The following TAFA5 variants were observed in gnomAD, a reference collection of about 807,000 sequenced individuals.
The protein encoded by TAFA5 is TAFA chemokine like family member 5, also known as chemokine-like protein TAFA-5.
A neutral mutation model predicts 15.3 loss-of-function variants in TAFA5; 6 were observed. That is an observed-to-expected ratio of 0.39 (90% CI 0.21 to 0.77). The LOEUF is 0.77. TAFA5 is among the 30% of genes least tolerant of loss of function. The probability of loss-of-function intolerance (pLI) is 0.41; values close to 1 mark genes in which losing one functional copy is unlikely to be tolerated. For missense variants in TAFA5, 161 were observed against 193.1 expected, an observed-to-expected ratio of 0.83 and a Z score of 0.98; for synonymous variants, 103 against 80.7, an observed-to-expected ratio of 1.28 and a Z score of -1.48.
chr22:48,680,877 C>T (rs1928161708), intron 2 of TAFA5, among the ~76,000 whole-genome samples: 1 of 152,220 alleles, frequency 6.6e-6, no homozygotes, highest in Admixed American at 6.5e-5. Flanking sequence ...TGTGTCGGCT[C>T]TCATCTTAGG....
chr22:48,568,341 A>G (rs1298991073), intron 1 of TAFA5, among the ~76,000 whole-genome samples: 1 of 152,182 alleles, frequency 6.6e-6, no homozygotes, highest in Non-Finnish European at 1.5e-5. Context: ...CTCCAGAGAG[A>G]GGATGTGCAA....
intron 1 of TAFA5, among the ~76,000 whole-genome samples, chr22:48,610,891 C>A (rs911424314): frequency 6.6e-6 from 1 of 152,006 alleles, no homozygotes; most frequent in African/African-American, 2.4e-5. Context: ...GACTTGTGTC[C>A]CTCCCACTCC....
chr22:48,556,933 C>T (rs1048860963), intron 1 of TAFA5, among the ~76,000 whole-genome samples: 2 of 152,196 alleles, frequency 1.3e-5, no homozygotes, highest in African/African-American at 4.8e-5. Context: ...GGCACAGACC[C>T]GCCTGCTTGG....
In TAFA5 at chr22:48,690,804, C is replaced by G. The variant is rs987254992; in HGVS notation, c.263-16913C>G. Among the ~76,000 whole-genome samples the G allele has an allele frequency of 1.2e-4, 18 of 152,202 alleles. 1 individual carries two copies. The highest frequency in any genetic ancestry group is 2.9e-5 in the Non-Finnish European group (2 of 68,038). ...GTGGCCTTGGCCTCTGCCCAGGAGG[C>G]TGTGGGCTGACCTATGTCAGCCCAG... On this transcript the variant is annotated intron_variant, in intron 2 of 3. Coordinates refer to ENST00000402357, the MANE Select transcript of TAFA5 (RefSeq NM_001082967.3).
At chr22:48,555,744 C>G (rs1238358694) in intron 1 of TAFA5, among the ~76,000 whole-genome samples, 1 of 152,114 alleles carries the variant, frequency 6.6e-6, no homozygotes, top group Non-Finnish European at 1.5e-5. Context: ...GACAGGAGCC[C>G]AGGAAGCTGG....
rs377070588 is a variant in TAFA5, at chr22:48,550,923, C to T, written c.112+61219C>T. On this transcript the variant is annotated intron_variant, in intron 1 of 3. Coordinates refer to ENST00000402357, the MANE Select transcript of TAFA5 (RefSeq NM_001082967.3). The surrounding 1 kb of genome is among the most constrained non-coding windows in gnomAD (Gnocchi z 4.1). ...ACATTCCTAGTCCTGCTTGGGGCAT[C>T]GTAAGATGGGCTGCTGTGGTGTCCC... is the stretch of plus-strand genomic sequence containing the variant. Among the ~76,000 whole-genome samples the T allele has an allele frequency of 1.6e-4, 25 of 152,020 alleles. 1 individual carries two copies. The highest frequency in any genetic ancestry group is 5.5e-4 in the African/African-American group (23 of 41,482).
intron 2 of TAFA5, among the ~76,000 whole-genome samples, chr22:48,673,901 C>G (rs1281040064): frequency 6.6e-6 from 1 of 152,106 alleles, no homozygotes; most frequent in Admixed American, 6.5e-5. Context: ...GGGTATAGCT[C>G]TGTAGATACT....
In TAFA5 at chr22:48,618,605, G is replaced by C. The variant is rs142059800; in HGVS notation, c.113-27992G>C. 2.2e-3 allele frequency among the ~76,000 whole-genome samples: 341 copies of C among 152,178 alleles called. 5 individuals carry two copies. Among genetic ancestry groups the C allele is most frequent in the Non-Finnish European group, 1.2e-3 (80 of 67,996 alleles). Reference sequence around the variant, plus strand: ...GAGGCAGCGTGCACAGTGGGCCCTTGCTATCTGTAATCGGGTGGCCTTGTC... The same window carrying C: ...GAGGCAGCGTGCACAGTGGGCCCTTCCTATCTGTAATCGGGTGGCCTTGTC... On this transcript the variant is annotated intron_variant, in intron 1 of 3. Coordinates refer to ENST00000402357, the MANE Select transcript of TAFA5 (RefSeq NM_001082967.3).
At chr22:48,577,289 C>T (rs1021493879) in intron 1 of TAFA5, among the ~76,000 whole-genome samples, 1 of 152,194 alleles carries the variant, frequency 6.6e-6, no homozygotes, top group Non-Finnish European at 1.5e-5. Flanking sequence ...GCCACACCTC[C>T]CCTGATGGGC....
chr22:48,691,815 G>A (rs1314599405), intron 2 of TAFA5, among the ~76,000 whole-genome samples: 1 of 152,248 alleles, frequency 6.6e-6, no homozygotes, highest in African/African-American at 2.4e-5. Flanking sequence ...ATGGCGAGGT[G>A]CTGCCTGTGG....
intron 2 of TAFA5, among the ~76,000 whole-genome samples, chr22:48,703,461 C>T (rs1273199621): frequency 6.6e-6 from 1 of 152,202 alleles, no homozygotes; most frequent in African/African-American, 2.4e-5. Flanking sequence ...GGTGTGTGTC[C>T]AAGATGCTGA....
chr22:48,504,780 A>G (rs1172942442), intron 1 of TAFA5, among the ~76,000 whole-genome samples: 1 of 152,146 alleles, frequency 6.6e-6, no homozygotes, highest in Non-Finnish European at 1.5e-5. Context: ...GTGTCCTGGG[A>G]TGGCTCGCCG....
chr22:48,604,859 G>C (rs1925103019), intron 1 of TAFA5, among the ~76,000 whole-genome samples: 1 of 152,132 alleles, frequency 6.6e-6, no homozygotes, highest in Admixed American at 6.5e-5. Context: ...AGTTTTCTGG[G>C]CTTGTTGCAG....
intron 1 of TAFA5, among the ~76,000 whole-genome samples, chr22:48,615,469 C>G (rs143641097): frequency 5.9e-4 from 90 of 152,330 alleles, no homozygotes; most frequent in Middle Eastern, 3.4e-3. Context: ...CTTCGCCTAG[C>G]TGTGGGGGCC....
intron 1 of TAFA5, among the ~76,000 whole-genome samples, chr22:48,515,223 G>C (rs930590802): frequency 5.9e-5 from 9 of 151,886 alleles, no homozygotes; most frequent in African/African-American, 2.2e-4. Context: ...CCTCTCAGCA[G>C]TGGGTGAAGA....
intron 1 of TAFA5, chr22:48,544,707 A>G: frequency 2.1e-6 from 1 of 471,222 alleles, no homozygotes; most frequent in South Asian, 1.5e-5. Flanking sequence ...CCCGCAGATG[A>G]GGGTGCATGT....
intron 2 of TAFA5, among the ~76,000 whole-genome samples, chr22:48,687,402 ATAGATAGATGGGTGGG>A (rs950950415): frequency 2.2e-5 from 3 of 137,278 alleles, no homozygotes; most frequent in African/African-American, 8.2e-5. Flanking sequence ...GTTTGAATGG[ATAGATAGATGGGTGGG>A]TAGATAGATG....
intron 2 of TAFA5, among the ~76,000 whole-genome samples, chr22:48,647,820 C>G (rs17223384): frequency 0.16 from 23,976 of 152,070 alleles, 2,292 homozygotes; most frequent in Admixed American, 0.3. Flanking sequence ...TGACCACAGC[C>G]CAGGAGAGAG....
chr22:48,539,256 G>T, intron 1 of TAFA5: 1 of 430,220 alleles, frequency 2.3e-6, no homozygotes, highest in South Asian at 1.7e-5. Context: ...CCCAGCCAGG[G>T]CCCTGGAGAG....
Sources: gnomAD v4.1 joint callset for allele counts (sites outside exome capture counted in the v4.1 genomes callset) on GRCh38, gnomAD v4.1.1 for gene constraint, Gnocchi (gnomAD v3.1) non-coding constraint, MANE v1.5 for transcripts, NCBI Gene and HGNC (gene_info 2026-07-23, HGNC 2026-07-21) for gene names.